TIAM1: variants seen among roughly 807,000 people sequenced by gnomAD.
TIAM1 encodes the protein rho guanine nucleotide exchange factor TIAM1.
In TIAM1, 65 loss-of-function variants were observed where a neutral mutation model predicts 163.5. That is an observed-to-expected ratio of 0.40 (90% CI 0.33 to 0.49). The LOEUF is 0.49. Ranked by LOEUF, TIAM1 falls within the 20% of genes least tolerant of loss-of-function variation. The pLI is 0.77. For missense variants in TIAM1, 1,789 were observed against 2,044.7 expected (o/e 0.87, Z 2.41); for synonymous variants, 833 against 810.1 (o/e 1.03, Z -0.48).
chr21:31,469,371 G>A (rs892436405), intron 1 of TIAM1, among the ~76,000 whole-genome samples: 2 of 152,156 alleles, frequency 1.3e-5, no homozygotes, highest in African/African-American at 4.8e-5. Flanking sequence ...AAAGTGCTGA[G>A]ATTAGAGGTG....
In TIAM1 at chr21:31,228,245, A is replaced by AATAATCTGATAAAGATTTTTCCTTT; in HGVS notation, c.1585-2296_1585-2295insAAAGGAAAAATCTTTATCAGATTAT. 3.0e-5 allele frequency among the ~76,000 whole-genome samples: 2 copies of AATAATCTGATAAAGATTTTTCCTTT among 67,136 alleles called. 1 individual carries two copies. The highest frequency in any genetic ancestry group is 1.5e-3 in the South Asian group (2 of 1,326). The allele number at this position is 67,136 out of a possible 152,430, so 44.0% of individuals were successfully genotyped here. On this transcript the variant is annotated intron_variant, in intron 6 of 27. Transcript: ENST00000541036. ...TAAAAAAAAAAAAAAAAAAAAAAAA[A>AATAATCTGATAAAGATTTTTCCTTT]AAAAAAAAAAAAAAGGAAGGAAAAA...
At chr21:31,463,511 T>C (rs2045408851) in intron 2 of TIAM1, among the ~76,000 whole-genome samples, 2 of 152,060 alleles carry the variant, frequency 1.3e-5, no homozygotes, top group Admixed American at 6.6e-5. Context: ...CAACAGAATA[T>C]TGTCATGTTA....
chr21:31,399,073 A>G (rs1332180287), intron 2 of TIAM1, among the ~76,000 whole-genome samples: 2 of 152,150 alleles, frequency 1.3e-5, no homozygotes, highest in Non-Finnish European at 2.9e-5. Context: ...CCAGAAACTA[A>G]AAAGAAACAG....
At chr21:31,132,015 A>C (rs1283058681) in intron 23 of TIAM1, among the ~76,000 whole-genome samples, 2 of 152,178 alleles carry the variant, frequency 1.3e-5, no homozygotes, top group Non-Finnish European at 2.9e-5. Flanking sequence ...TAGCAGCCCA[A>C]ATGGACTAAG....
intron 20 of TIAM1, among the ~76,000 whole-genome samples, chr21:31,143,730 T>C (rs1568909481): frequency 7.0e-6 from 1 of 143,680 alleles, no homozygotes; most frequent in Non-Finnish European, 1.5e-5. Context: ...TTCTTCTGTC[T>C]TTTTTTTTTT....
chr21:31,261,188 C>T (rs2072449052), intron 4 of TIAM1, among the ~76,000 whole-genome samples: 1 of 151,720 alleles, frequency 6.6e-6, no homozygotes, highest in African/African-American at 2.4e-5. Context: ...TACAGTTATC[C>T]TGGCCATCTC....
intron 2 of TIAM1, among the ~76,000 whole-genome samples, chr21:31,397,090 C>G (rs76059642): frequency 0.013 from 1,955 of 152,266 alleles, 73 homozygotes; most frequent in East Asian, 0.11. Flanking sequence ...TATATTCAGA[C>G]CAGCCTGGAA....
intron 23 of TIAM1, among the ~76,000 whole-genome samples, chr21:31,131,347 T>G (rs2082406950): frequency 6.6e-6 from 1 of 152,250 alleles, no homozygotes; most frequent in Non-Finnish European, 1.5e-5. Context: ...ATGATTTACA[T>G]TTATGCAAAT....
intron 2 of TIAM1, among the ~76,000 whole-genome samples, chr21:31,353,471 A>G (rs2076266700): frequency 6.6e-6 from 1 of 152,168 alleles, no homozygotes; most frequent in Non-Finnish European, 1.5e-5. Flanking sequence ...TCATAAAACT[A>G]TGTGAAGACA....
At chr21:31,282,274 T>TCATC (rs2073601808) in intron 2 of TIAM1, among the ~76,000 whole-genome samples, 1 of 152,240 alleles carries the variant, frequency 6.6e-6, no homozygotes, top group Non-Finnish European at 1.5e-5. Flanking sequence ...GCTCTAGACC[T>TCATC]CATCCTTCCA....
intron 1 of TIAM1, among the ~76,000 whole-genome samples, chr21:31,524,154 C>T (rs1158535488): frequency 1.3e-5 from 2 of 151,960 alleles, no homozygotes; most frequent in Non-Finnish European, 2.9e-5. Context: ...TAAGGAAATA[C>T]CTAAGGCTGG....
chr21:31,181,531 C>T (rs1189654744), intron 15 of TIAM1, among the ~76,000 whole-genome samples: 3 of 151,808 alleles, frequency 2.0e-5, no homozygotes, highest in Middle Eastern at 3.2e-3. Context: ...GTCACTGAAG[C>T]GCTCGGGTTC....
rs58353334 is a variant in TIAM1, at chr21:31,477,474, ATTTT to A, written c.-421-13443_-421-13440del. Among the ~76,000 whole-genome samples, 525 of 132,194 alleles carry A rather than the reference ATTTT, an allele frequency of 4.0e-3. 6 individuals are homozygous for A. Among genetic ancestry groups the A allele is most frequent in the African/African-American group, 0.014 (489 of 35,560 alleles). 86.7% of individuals were successfully genotyped at this position (132,194 alleles called of 152,430 possible). ...CGACTCAGGAAAGGGAACTAAATGCATTTTTTTTTTTTTTTTTTGAGACGGAATC... is the reference window on the plus strand; with the variant it reads ...CGACTCAGGAAAGGGAACTAAATGCATTTTTTTTTTTTTTGAGACGGAATC... On this transcript the variant is annotated intron_variant, in intron 1 of 28. Transcript: ENST00000286827.
At chr21:31,285,706 C>T (rs1173236910) in intron 2 of TIAM1, among the ~76,000 whole-genome samples, 1 of 151,984 alleles carries the variant, frequency 6.6e-6, no homozygotes, top group Non-Finnish European at 1.5e-5. Flanking sequence ...ACTAAAAATA[C>T]AAAAATTAGC....
rs761855953 is a variant in TIAM1, at chr21:31,164,952, A to G, written c.2991+10T>C. ...TCAAAGCATGGGATGTGAAAATGAA[A>G]ATCTCTCACCTTGCTGCTGTGATCA... On this transcript the variant is annotated intron_variant, in intron 16 of 27. Coordinates refer to ENST00000541036, the MANE Select transcript of TIAM1 (RefSeq NM_001353694.2). 6.2e-7 allele frequency: 1 copy of G among 1,613,530 alleles called. No homozygotes were observed. The highest frequency in any genetic ancestry group is 8.5e-7 in the Non-Finnish European group (1 of 1,179,618).
intron 1 of TIAM1, among the ~76,000 whole-genome samples, chr21:31,548,519 C>T (rs1438999130): frequency 9.4e-5 from 14 of 149,552 alleles, no homozygotes; most frequent in Non-Finnish European, 7.4e-5. Flanking sequence ...ACGAGAGCCT[C>T]GTTCTGTCAC....
intron 1 of TIAM1, among the ~76,000 whole-genome samples, chr21:31,542,860 C>T (rs556257331): frequency 4.0e-5 from 6 of 151,664 alleles, no homozygotes; most frequent in Admixed American, 6.6e-5. Context: ...CCCAGATACT[C>T]GGGAGGCTGA....
At chr21:31,222,703 ATATATTTTTTTTTTT>A (rs1435700577) in intron 8 of TIAM1, among the ~76,000 whole-genome samples, 679 of 42,990 alleles carry the variant, frequency 0.016, 2 homozygotes, top group African/African-American at 0.071. Context: ...ATATATATAT[ATATATTTTTTTTTTT>A]TTTTTTTTTT....
intron 1 of TIAM1, among the ~76,000 whole-genome samples, chr21:31,528,484 C>T (rs533063801): frequency 6.6e-6 from 1 of 151,836 alleles, no homozygotes; most frequent in East Asian, 1.9e-4. Flanking sequence ...CGCCTCCATA[C>T]TCCAGCCTGG....
Sources: gnomAD v4.1 joint callset for allele counts (sites outside exome capture counted in the v4.1 genomes callset) on GRCh38, gnomAD v4.1.1 for gene constraint, MANE v1.5 for transcripts, NCBI Gene and HGNC (gene_info 2026-07-23, HGNC 2026-07-21) for gene names.